Variants in USH2A observed in about 807,000 individuals in gnomAD.
USH2A encodes the protein Usher syndrome 2A (autosomal recessive, mild).
A neutral mutation model predicts 538.9 loss-of-function variants in USH2A; 443 were observed. The ratio of observed to expected loss-of-function variants is 0.82; its 90% CI spans 0.76 to 0.89. The LOEUF (loss-of-function observed/expected upper bound fraction) is 0.89. USH2A is among the 40% of genes least tolerant of loss of function. The pLI is 0.00. For missense variants in USH2A, 6,633 were observed against 6,324.8 expected, an observed-to-expected ratio of 1.05 and a Z score of -1.65; for synonymous variants, 2,413 against 2,273.5, an observed-to-expected ratio of 1.06 and a Z score of -1.75.
chr1:215,692,269 A>C (rs1192294312), intron 61 of USH2A, among the ~76,000 whole-genome samples: 1 of 152,110 alleles, frequency 6.6e-6, no homozygotes, highest in Non-Finnish European at 1.5e-5. Context: ...ATAGTAATAT[A>C]TTCTTTTGAG....
In USH2A at chr1:216,070,175, T is replaced by C. The variant is rs41303287; in HGVS notation, c.5975A>G (p.Tyr1992Cys). The change falls in exon 30 of 72, where the codon TAT becomes TGT. Residue 1992 changes from tyrosine to cysteine, a missense_variant. By Grantham distance (194) the Tyr-to-Cys change is radical. Coordinates refer to ENST00000307340, the MANE Select transcript of USH2A (RefSeq NM_206933.4). ...GGGTGGACGGGTGCTGTCCTCACTATAGGCTTTCAGAATGTACTTCTCAAT... is the reference window on the plus strand; with the variant it reads ...GGGTGGACGGGTGCTGTCCTCACTACAGGCTTTCAGAATGTACTTCTCAAT... ...GVIEKYILKA[Y>C]SEDSTRPPRM... The C allele has an allele frequency of 3.8e-3, 6,100 of 1,614,022 alleles. 15 individuals are homozygous for C. Among genetic ancestry groups the C allele is most frequent in the Non-Finnish European group, 4.3e-3 (5,088 of 1,179,936 alleles).
At chr1:215,727,635 G>T (rs1355371081) in intron 61 of USH2A, among the ~76,000 whole-genome samples, 1 of 152,028 alleles carries the variant, frequency 6.6e-6, no homozygotes, top group African/African-American at 2.4e-5. Context: ...TGAGGCAGGA[G>T]AATTGCTTAA....
intron 60 of USH2A, among the ~76,000 whole-genome samples, chr1:215,732,183 A>T (rs1211358977): frequency 2.6e-5 from 4 of 152,242 alleles, no homozygotes; most frequent in Non-Finnish European, 5.9e-5. Context: ...GGACAAATGG[A>T]AACACAGGTG....
rs183718192 is a variant in USH2A, at chr1:215,662,766, T to C, written c.14133+8206A>G. ...CTTGAGCTGTGGGAGTTGGGGTGGG[T>C]GTGGGGAGCTTAGTTCTTGTGGGAG... On this transcript the variant is annotated intron_variant, in intron 64 of 71. Transcript: ENST00000307340. Among the ~76,000 whole-genome samples, 481 of 152,076 alleles carry C rather than the reference T, an allele frequency of 3.2e-3. 3 individuals are homozygous for C. The highest frequency in any genetic ancestry group is 0.011 in the African/African-American group (466 of 41,480).
intron 64 of USH2A, among the ~76,000 whole-genome samples, chr1:215,661,146 T>A (rs1231758155): frequency 6.6e-6 from 1 of 152,202 alleles, no homozygotes; most frequent in Non-Finnish European, 1.5e-5. Flanking sequence ...CATTATTATA[T>A]ACTGGTTGAG....
At chr1:215,656,382 T>G (rs1280405721) in intron 64 of USH2A, among the ~76,000 whole-genome samples, 3 of 152,224 alleles carry the variant, frequency 2.0e-5, no homozygotes, top group African/African-American at 4.8e-5. Flanking sequence ...CTACAAGTCT[T>G]GTTCAAATCA....
chr1:215,743,409 TG>T, intron 58 of USH2A, 74 bp from the exon 59 acceptor site: 1 of 489,584 alleles, frequency 2.0e-6, no homozygotes, highest in South Asian at 2.6e-5. Context: ...TGTGTGTGTG[TG>T]TGTGTGTATA....
intron 52 of USH2A, 50 bp from the exon 53 acceptor site, chr1:215,782,985 A>T (rs1234852419): frequency 1.3e-6 from 2 of 1,548,972 alleles, no homozygotes; most frequent in African/African-American, 1.4e-5. Flanking sequence ...TTCATTTTTT[A>T]ACCATCATAT....
In USH2A at chr1:215,743,209, T is replaced by G. The variant is rs1381204429; in HGVS notation, c.11516A>C (p.Gln3839Pro). Residue 3839 changes from glutamine to proline, a missense_variant, in exon 59 of 72, where the codon CAG becomes CCG. Physicochemically the swap from Gln to Pro is moderately conservative, Grantham distance 76. Coordinates refer to ENST00000307340, the MANE Select transcript of USH2A (RefSeq NM_206933.4). ...ACATGCTTGTATCCTTATCTCATACTGTGTGAATGGAGTCAAATTTTCCAG... is the reference window on the plus strand; with the variant it reads ...ACATGCTTGTATCCTTATCTCATACGGTGTGAATGGAGTCAAATTTTCCAG... ...TLLENLTPFT[Q>P]YEIRIQACQN... 6.2e-7 allele frequency: 1 copy of G among 1,612,084 alleles called. No homozygotes were observed. Among genetic ancestry groups the G allele is most frequent in the Non-Finnish European group, 8.5e-7 (1 of 1,179,150 alleles).
Position 215,921,437 on chromosome 1 carries a change from C to G in USH2A, c.7300+13179G>C, listed in dbSNP as rs868560295. Reference sequence around the variant, plus strand: ...TATAAACTTTAGAGCATGGGTTATACAGTCACTGAGGACAGTTCTCTAGGC... The same window carrying G: ...TATAAACTTTAGAGCATGGGTTATAGAGTCACTGAGGACAGTTCTCTAGGC... On this transcript the variant is annotated intron_variant, in intron 38 of 71. Coordinates refer to ENST00000307340, the MANE Select transcript of USH2A (RefSeq NM_206933.4). Among the ~76,000 whole-genome samples the G allele has an allele frequency of 2.6e-5, 4 of 152,062 alleles. No homozygotes were observed. The South Asian group carries it at 6.2e-4, about 24-fold the overall frequency.
intron 9 of USH2A, among the ~76,000 whole-genome samples, chr1:216,300,434 C>A (rs1317438185): frequency 2.0e-5 from 3 of 152,298 alleles, no homozygotes; most frequent in African/African-American, 7.2e-5. Flanking sequence ...ACCACTGATT[C>A]ATTTAACTGC....
At chr1:216,106,379 A>G (rs2032733040) in intron 21 of USH2A, among the ~76,000 whole-genome samples, 1 of 150,058 alleles carries the variant, frequency 6.7e-6, no homozygotes, top group South Asian at 2.1e-4. Context: ...CATCTCTCCT[A>G]TTCTTAGTTT....
At position 216,070,980 on chromosome 1, in the gene USH2A, CCTTA is replaced by C. The variant is rs368902686; in HGVS notation, c.5858-692_5858-689del. 4.2e-3 allele frequency among the ~76,000 whole-genome samples: 632 copies of C among 152,186 alleles called. 1 individual carries two copies. Among genetic ancestry groups the C allele is most frequent in the South Asian group, 0.011 (52 of 4,814 alleles). On this transcript the variant is annotated intron_variant, in intron 29 of 71. Coordinates refer to ENST00000307340, the MANE Select transcript of USH2A (RefSeq NM_206933.4). ...GAGGAAGTTTAAAAGAACTGCAAAACCTTACTTACAAGCTGAGCCCCCTAATTTA... is the reference window on the plus strand; with the variant it reads ...GAGGAAGTTTAAAAGAACTGCAAAACCTTACAAGCTGAGCCCCCTAATTTA...
chr1:216,077,502 T>C (rs75951062), intron 27 of USH2A, among the ~76,000 whole-genome samples: 3,553 of 151,064 alleles, frequency 0.024, 148 homozygotes, highest in African/African-American at 0.08. Context: ...TTAATTTATT[T>C]TTTCATCTGT....
At chr1:216,148,089 T>C (rs1432555050) in intron 21 of USH2A, among the ~76,000 whole-genome samples, 3 of 151,706 alleles carry the variant, frequency 2.0e-5, no homozygotes, top group Non-Finnish European at 2.9e-5. Flanking sequence ...ACTCTCACAA[T>C]GGAAGGTAAG....
intron 47 of USH2A, among the ~76,000 whole-genome samples, chr1:215,836,496 A>ATATATG: frequency 6.4e-5 from 1 of 15,604 alleles, no homozygotes; most frequent in East Asian, 5.5e-3. Flanking sequence ...TATTATATAT[A>ATATATG]TAATATATAT....
chr1:215,790,124 C>T lies in USH2A; in HGVS notation c.10117G>A (p.Gly3373Arg). 6.2e-7 allele frequency: 1 copy of T among 1,613,706 alleles called. No individual in the cohort carries two copies. Among genetic ancestry groups the T allele is most frequent in the Non-Finnish European group, 8.5e-7 (1 of 1,179,974 alleles). Residue 3373 changes from glycine (G) to arginine (R), a missense_variant, in exon 51 of 72, where the codon GGA becomes AGA. By Grantham distance (125) the Gly-to-Arg change is moderately radical (BLOSUM62 -2). Coordinates refer to ENST00000307340, the MANE Select transcript of USH2A (RefSeq NM_206933.4). The part of the protein sequence containing the change: ...LIPKSQKCCN[G>R]VGYNPLKYVC... The stretch of plus-strand genomic sequence containing the variant: ...TATTTCAAAGGATTATATCCAACTC[C>T]ATTACAGCATTTCTGGCTCTTTGGA...
At chr1:215,759,531 T>C in intron 57 of USH2A, 129 bp downstream of exon 57, 1 of 1,123,610 alleles carries the variant, frequency 8.9e-7, no homozygotes, top group South Asian at 1.4e-5. Flanking sequence ...TCATCAGTTA[T>C]TGAATGGCCA....
chr1:216,372,425 G>A (rs566757236), intron 3 of USH2A, among the ~76,000 whole-genome samples: 2 of 152,190 alleles, frequency 1.3e-5, no homozygotes, highest in East Asian at 1.9e-4. Context: ...AAAAGCCTAC[G>A]TGTATTACAT....
Sources: allele counts gnomAD v4.1 joint callset (sites outside exome capture counted in the v4.1 genomes callset), GRCh38; gene constraint gnomAD v4.1.1; transcripts MANE v1.5; gene names NCBI Gene and HGNC (gene_info 2026-07-23, HGNC 2026-07-21).